HERC2: variants seen among roughly 807,000 people sequenced by gnomAD.
HERC2 encodes HECT and RLD domain containing E3 ubiquitin protein ligase 2, also known as E3 ubiquitin-protein ligase HERC2.
Under a neutral mutation model 537.7 loss-of-function variants are expected in HERC2, and 102 were observed. The observed-to-expected ratio is 0.19, with a 90% CI of 0.16 to 0.22. HERC2 has a LOEUF of 0.22. Among genes scored for constraint, HERC2 ranks in the 10% least tolerant of loss-of-function variants. The pLI is 1.00. For synonymous variants in HERC2, 2,224 were observed against 2,466.2 expected, an observed-to-expected ratio of 0.90 and a Z score of 2.91; for missense variants, 4,236 against 6,198.2, an observed-to-expected ratio of 0.68 and a Z score of 10.63.
intron 69 of HERC2, among the ~76,000 whole-genome samples, chr15:28,162,339 C>T (rs886696824): frequency 6.6e-6 from 1 of 151,912 alleles, no homozygotes; most frequent in African/African-American, 2.4e-5. Context: ...AAACCTTAGA[C>T]GAAAACTTGG....
Position 28,163,260 on chromosome 15 carries a change from G to C in HERC2, c.10580C>G (p.Ala3527Gly), listed in dbSNP as rs1377931932. The part of the protein sequence containing the change: ...KEDVESQNKA[A>G]GPEPQALDEF... The stretch of plus-strand genomic sequence containing the variant: ...ATCCAAGGCCTGAGGCTCCGGACCT[G>C]CTGCTTTATTTTGGCTTTCAACATC... Residue 3527 changes from alanine to glycine, a missense_variant, in exon 69 of 93, where the codon GCA becomes GGA. Ala to Gly is a moderately conservative substitution (Grantham distance 60, BLOSUM62 0). This residue lies in a region of HERC2 where 356 missense variants were observed against 450.9 expected (regional missense o/e 0.79). Transcript: ENST00000261609. The C allele has an allele frequency of 6.2e-7, 1 of 1,613,310 alleles. No individual in the cohort carries two copies. The highest frequency in any genetic ancestry group is 1.1e-5 in the South Asian group (1 of 91,054).
rs568532572 is a variant in HERC2 at position 28,162,904 on chromosome 15, A to T, written c.10746+190T>A. 8.5e-5 allele frequency among the ~76,000 whole-genome samples: 13 copies of T among 152,330 alleles called. No individual in the cohort carries two copies. In the East Asian group the frequency reaches 2.5e-3, roughly 29 times the overall value. ...AGACTCCGTCTCAAAAAAACAAAAA[A>T]CAGGTAAAGGATGTCACTGGGTTAA... On this transcript the variant is annotated intron_variant, in intron 69 of 92. Transcript: ENST00000261609.
rs755373872 is a variant in HERC2, at chr15:28,256,099, C to A, written c.2736G>T (p.Leu912=). 6.2e-7 allele frequency: 1 copy of A among 1,603,428 alleles called. No individual in the cohort carries two copies. The highest frequency in any genetic ancestry group is 8.5e-7 in the Non-Finnish European group (1 of 1,179,230). The change falls in exon 18 of 93, where the codon CTG becomes CTT. Residue 912 remains leucine, a synonymous_variant. Coordinates refer to ENST00000261609, the MANE Select transcript of HERC2 (RefSeq NM_004667.6). ...CTTCCCCAGGCCCACCTGCGCAGGG[C>A]AGGAGAGCAGAGAGTGCCCGGGCCC... ...EERARALSAL[L]PCAVSGNEVN... is the part of the protein sequence containing the mutation.
chr15:28,250,949 G>C (rs941333408), intron 20 of HERC2, among the ~76,000 whole-genome samples: 3 of 152,094 alleles, frequency 2.0e-5, no homozygotes, highest in Non-Finnish European at 4.4e-5. Context: ...TTTTTATTTT[G>C]TATTTTTTAA....
At chr15:28,321,923 G>A (rs1474517691) in intron 1 of HERC2, among the ~76,000 whole-genome samples, 152 bp downstream of exon 1, 1 of 140,760 alleles carries the variant, frequency 7.1e-6, no homozygotes, top group Non-Finnish European at 1.5e-5. Flanking sequence ...CCACTTAAGA[G>A]ATGGAGAGAG....
At chr15:28,232,526 C>T (rs12591595) in intron 30 of HERC2, among the ~76,000 whole-genome samples, 1 of 146,394 alleles carries the variant, frequency 6.8e-6, no homozygotes, top group Non-Finnish European at 1.5e-5. Context: ...TCCAGCCTGG[C>T]GACAAAGCAA....
chr15:28,194,566 C>T (rs561349594), intron 52 of HERC2, among the ~76,000 whole-genome samples: 10 of 151,320 alleles, frequency 6.6e-5, no homozygotes, highest in East Asian at 2.0e-4. Context: ...AGCGAGACTC[C>T]GTCTCAAAAA....
intron 34 of HERC2, 66 bp from the exon 35 acceptor site, chr15:28,228,475 G>A: frequency 6.9e-7 from 1 of 1,440,792 alleles, no homozygotes; most frequent in South Asian, 1.2e-5. Flanking sequence ...AACGCAGAAA[G>A]CACGGGCGAT....
intron 20 of HERC2, 70 bp downstream of exon 20, chr15:28,254,270 C>G: frequency 8.8e-7 from 1 of 1,139,074 alleles, no homozygotes. Flanking sequence ...GCAACAAGAG[C>G]GAACTCTGTC....
intron 70 of HERC2, among the ~76,000 whole-genome samples, chr15:28,148,654 A>AACGC (rs147412909): frequency 0.028 from 4,194 of 152,122 alleles, 184 homozygotes; most frequent in African/African-American, 0.096. Context: ...CGGCCACACG[A>AACGC]ACGCACATTC....
chr15:28,242,620 G>A (rs1903242068), intron 23 of HERC2, among the ~76,000 whole-genome samples: 2 of 152,108 alleles, frequency 1.3e-5, no homozygotes, highest in African/African-American at 4.8e-5. Context: ...AGGAAAATGA[G>A]ATGCAAAATC....
chr15:28,290,055 T>A (rs929851660), intron 4 of HERC2, among the ~76,000 whole-genome samples: 1 of 152,216 alleles, frequency 6.6e-6, no homozygotes, highest in African/African-American at 2.4e-5. Context: ...CTCTCCCACA[T>A]CTCTCCCCAC....
chr15:28,190,441 A>T (rs1896752717), intron 55 of HERC2: 2 of 156,368 alleles, frequency 1.3e-5, no homozygotes, highest in Admixed American at 1.3e-4. Flanking sequence ...GATCTGTAGT[A>T]TGTGGGTACT....
chr15:28,308,718 T>C (rs1185764059), intron 2 of HERC2, among the ~76,000 whole-genome samples: 2 of 152,258 alleles, frequency 1.3e-5, no homozygotes, highest in East Asian at 3.8e-4. Context: ...TGTTGAGGTA[T>C]GTTTCTTCCA....
chr15:28,203,498 C>T (rs1480168481), intron 45 of HERC2: 1 of 152,060 alleles, frequency 6.6e-6, no homozygotes, highest in East Asian at 1.9e-4. Flanking sequence ...TTAGGATGCA[C>T]TGGACTAACC....
Position 28,177,024 on chromosome 15 carries a change from G to A in HERC2, c.9358C>T (p.Leu3120=), listed in dbSNP as rs145759817. The A allele has an allele frequency of 1.6e-4, 260 of 1,614,056 alleles. No homozygotes were observed. The highest frequency in any genetic ancestry group is 2.0e-4 in the Non-Finnish European group (235 of 1,180,034). Residue 3120 remains leucine, a synonymous_variant, in exon 61 of 93, where the codon CTG becomes TTG. Coordinates refer to ENST00000261609, the MANE Select transcript of HERC2 (RefSeq NM_004667.6). This position sits in a 1 kb window ranked among gnomAD's most constrained non-coding sequence, Gnocchi z 5.0. ...TACTCGCCGAGGCCCCAGGTGTACA[G>A]TTCTCCGCTGGATGTGAGGGCTGCG... ...HSAALTSSGE[L]YTWGLGEYGR...
Position 28,125,030 on chromosome 15 carries a change from G to A in HERC2, c.12966C>T (p.Ala4322=), listed in dbSNP as rs773489370. The part of the protein sequence containing the change: ...HTLAWSTSKP[A]SAGKLPAQVP... ...CCTGTGCAGGGAGTTTGCCAGCACT[G>A]GCGGGCTTGCTGGTCGACCAGGCGA... Residue 4322 remains alanine, a synonymous_variant, in exon 84 of 93, where the codon GCC becomes GCT. Transcript: ENST00000261609. 6.2e-7 allele frequency: 1 copy of A among 1,603,276 alleles called. No homozygotes were observed. Among genetic ancestry groups the A allele is most frequent in the Admixed American group, 1.7e-5 (1 of 59,880 alleles).
intron 37 of HERC2, among the ~76,000 whole-genome samples, chr15:28,219,525 G>A (rs2140489099): frequency 6.6e-6 from 1 of 152,318 alleles, no homozygotes; most frequent in East Asian, 1.9e-4. Flanking sequence ...CTCCTAACAG[G>A]CCTACGCAGT....
intron 23 of HERC2, among the ~76,000 whole-genome samples, chr15:28,244,045 G>A (rs769320108): frequency 3.9e-5 from 6 of 152,076 alleles, no homozygotes; most frequent in African/African-American, 1.2e-4. Context: ...GCATGGTGGC[G>A]CATGCTTGCA....
Sources: gnomAD v4.1 joint callset for allele counts (sites outside exome capture counted in the v4.1 genomes callset) on GRCh38, gnomAD v4.1.1 for gene constraint, gnomAD v4.1.1 regional missense constraint, Gnocchi (gnomAD v3.1) non-coding constraint, MANE v1.5 for transcripts, NCBI Gene and HGNC (gene_info 2026-07-23, HGNC 2026-07-21) for gene names.